The following XPNPEP1 variants were observed in gnomAD, a reference collection of about 807,000 sequenced individuals.
XPNPEP1 encodes X-prolyl aminopeptidase 1.
Under a neutral mutation model 92.4 loss-of-function variants are expected in XPNPEP1, and 39 were observed. That is an observed-to-expected ratio of 0.42 (90% CI 0.33 to 0.55). The LOEUF (loss-of-function observed/expected upper bound fraction) is 0.55. XPNPEP1 is among the 20% of genes least tolerant of loss of function. The probability of loss-of-function intolerance (pLI) is 0.08; values close to 1 mark genes in which losing one functional copy is unlikely to be tolerated. For missense variants in XPNPEP1, 654 were observed against 856.1 expected, an observed-to-expected ratio of 0.76 and a Z score of 2.95; for synonymous variants, 307 against 299.4, an observed-to-expected ratio of 1.03 and a Z score of -0.26.
At chr10:109,893,313 A>G in intron 3 of XPNPEP1, 1 of 403,074 alleles carries the variant, frequency 2.5e-6, no homozygotes, top group Non-Finnish European at 4.4e-6. Context: ...CATTAGGAGA[A>G]CCAAAGCACA....
chr10:109,874,559 C>T (rs1847671233), intron 15 of XPNPEP1, among the ~76,000 whole-genome samples: 1 of 152,218 alleles, frequency 6.6e-6, no homozygotes, highest in South Asian at 2.1e-4. Context: ...TGTCCCAAGG[C>T]CAGGCATGGT....
chr10:109,878,221 T>C, intron 12 of XPNPEP1, 163 bp from the exon 13 acceptor site: 1 of 661,150 alleles, frequency 1.5e-6, no homozygotes, highest in Non-Finnish European at 2.6e-6. Context: ...CCAAAGGCTC[T>C]CACCAAAGCT....
chr10:109,918,622 A>G (rs1850320790), intron 1 of XPNPEP1, among the ~76,000 whole-genome samples: 1 of 151,366 alleles, frequency 6.6e-6, no homozygotes, highest in Non-Finnish European at 1.5e-5. Context: ...TTAGCCAGGC[A>G]TGGTGGCGGG....
chr10:109,898,856 T>A (rs2133479682), intron 3 of XPNPEP1, among the ~76,000 whole-genome samples: 1 of 152,348 alleles, frequency 6.6e-6, no homozygotes, highest in South Asian at 2.1e-4. Flanking sequence ...CCGATGGAAC[T>A]TGCCAAGTAA....
In XPNPEP1 at chr10:109,870,725, A is replaced by G; in HGVS notation, c.1696+6T>C. ...CACGCATGCCCTCTATGTGAGGGAC[A>G]CTTACCATCAGTGACAATCATGCCT... On this transcript the variant is annotated splice_donor_region_variant and intron_variant, in intron 18 of 20. Transcript: ENST00000502935. The G allele has an allele frequency of 6.2e-7, 1 of 1,613,850 alleles. No homozygotes were observed. The highest frequency in any genetic ancestry group is 2.2e-5 in the East Asian group (1 of 44,874).
intron 5 of XPNPEP1, 137 bp from the exon 6 acceptor site, chr10:109,888,732 T>G: frequency 3.4e-6 from 2 of 592,974 alleles, no homozygotes; most frequent in Non-Finnish European, 5.3e-6. Flanking sequence ...TGACAGGACT[T>G]AGAAAATCTG....
At chr10:109,881,553 A>G (rs1227489129) in intron 10 of XPNPEP1, among the ~76,000 whole-genome samples, 2 of 152,156 alleles carry the variant, frequency 1.3e-5, no homozygotes, top group African/African-American at 4.8e-5. Flanking sequence ...CTCTCCAGAG[A>G]GAGAGGAGAG....
At chr10:109,908,579 CA>C (rs770625379) in intron 2 of XPNPEP1, among the ~76,000 whole-genome samples, 8 of 152,038 alleles carry the variant, frequency 5.3e-5, no homozygotes, top group Admixed American at 6.5e-5. Context: ...TCCAGCCTGG[CA>C]AAAGACCAAG....
chr10:109,875,816 G>C, intron 14 of XPNPEP1: 1 of 450,566 alleles, frequency 2.2e-6, no homozygotes, highest in Non-Finnish European at 4.0e-6. Flanking sequence ...CTGAGATAAA[G>C]AGCTCAACAA....
chr10:109,919,989 G>T (rs934760996), intron 1 of XPNPEP1, among the ~76,000 whole-genome samples: 1 of 151,754 alleles, frequency 6.6e-6, no homozygotes, highest in African/African-American at 2.4e-5. Flanking sequence ...CCAAGATCGT[G>T]CCACTGCACT....
At chr10:109,909,131 C>T (rs1438203389) in intron 2 of XPNPEP1, among the ~76,000 whole-genome samples, 1 of 151,982 alleles carries the variant, frequency 6.6e-6, no homozygotes, top group African/African-American at 2.4e-5. Flanking sequence ...GTTAGCCAGG[C>T]GTGGTGGCGG....
chr10:109,907,667 G>A (rs2133527593), intron 3 of XPNPEP1, 24 bp downstream of exon 3: 6 of 1,613,822 alleles, frequency 3.7e-6, no homozygotes, highest in Non-Finnish European at 5.1e-6. Context: ...GAAAAGAAAG[G>A]AGAGGCCCAT....
Position 109,869,993 on chromosome 10 carries a change from C to A in XPNPEP1, c.1733G>T (p.Arg578Leu). 6.2e-7 allele frequency: 1 copy of A among 1,614,104 alleles called. No individual in the cohort carries two copies. Residue 578 changes from arginine (R) to leucine (L), a missense_variant, in exon 19 of 21, where the codon CGC (arginine) becomes CTC (leucine). By Grantham distance (102) the Arg-to-Leu change is moderately radical (BLOSUM62 -2). Coordinates refer to ENST00000502935, the MANE Select transcript of XPNPEP1 (RefSeq NM_020383.4). Reference sequence around the variant, plus strand: ...AACCACAAGGACAACATTCTCAATGCGAATTCCAAAAGCCCCATCTTCATA... The same window carrying A: ...AACCACAAGGACAACATTCTCAATGAGAATTCCAAAAGCCCCATCTTCATA... ...GYYEDGAFGI[R>L]IENVVLVVPV...
chr10:109,899,207 C>T (rs1199021971), intron 3 of XPNPEP1, among the ~76,000 whole-genome samples: 2 of 152,140 alleles, frequency 1.3e-5, no homozygotes, highest in African/African-American at 4.8e-5. Context: ...GTAGAAGAGT[C>T]ACTGGAAAGT....
chr10:109,921,333 C>A (rs1850527239), intron 1 of XPNPEP1, among the ~76,000 whole-genome samples: 1 of 151,722 alleles, frequency 6.6e-6, no homozygotes, highest in African/African-American at 2.4e-5. Context: ...AGTGCTCCTA[C>A]CCTTCCCAGA....
At position 109,877,882 on chromosome 10, in the gene XPNPEP1, C is replaced by T. The variant is rs1564752853; in HGVS notation, c.1242-15G>A. On this transcript the variant is annotated splice_polypyrimidine_tract_variant and intron_variant, in intron 13 of 20. Transcript: ENST00000502935. ...CTGCCTGTTGCCTGTAACAGAAAGA[C>T]AGAAAGCAGAGTGGCTTAAAGGTTT... The T allele has an allele frequency of 6.2e-7, 1 of 1,614,252 alleles. No individual in the cohort carries two copies. Among genetic ancestry groups the T allele is most frequent in the Non-Finnish European group, 8.5e-7 (1 of 1,180,050 alleles).
At chr10:109,877,654 T>G (rs1215245599) in intron 14 of XPNPEP1, 136 bp downstream of exon 14, 1 of 1,103,082 alleles carries the variant, frequency 9.1e-7, no homozygotes, top group Non-Finnish European at 1.3e-6. Context: ...AGAAGTCTTA[T>G]TTCCCTTCAT....
In XPNPEP1 at chr10:109,865,296, T is replaced by C. The variant is rs775846162; in HGVS notation, c.1889A>G (p.Asn630Ser). 15 of 1,614,040 alleles carry C rather than the reference T, an allele frequency of 9.3e-6. No homozygotes were observed. The highest frequency in any genetic ancestry group is 2.2e-5 in the South Asian group (2 of 91,078). The change falls in exon 21 of 21, where the codon AAT (asparagine) becomes AGT (serine). Residue 630 changes from asparagine to serine, a missense_variant. Asn to Ser is a conservative substitution (Grantham distance 46, BLOSUM62 1). Transcript: ENST00000502935. ...CACATCCCTGCAGGTCAGGTGGTAA[T>C]TGTTGAGCCAGTCGCACTGCAGGGA... ...LTDKECDWLN[N>S]YHLTCRDVIG...
intron 1 of XPNPEP1, among the ~76,000 whole-genome samples, chr10:109,918,928 AAAG>A (rs1459666801): frequency 1.8e-4 from 27 of 151,648 alleles, no homozygotes; most frequent in African/African-American, 6.5e-4. Context: ...GAGAGAGAAA[AAAG>A]AAAAAGAACG....
Sources: allele counts gnomAD v4.1 joint callset (sites outside exome capture counted in the v4.1 genomes callset), GRCh38; gene constraint gnomAD v4.1.1; transcripts MANE v1.5; gene names NCBI Gene and HGNC (gene_info 2026-07-23, HGNC 2026-07-21).